The following BAZ2B variants were observed in gnomAD, a reference collection of about 807,000 sequenced individuals.
BAZ2B encodes the protein bromodomain adjacent to zinc finger domain protein 2B.
BAZ2B carries 91 observed loss-of-function variants against 246.0 expected under a neutral mutation model. The observed-to-expected ratio is 0.37, with a 90% confidence interval of 0.31 to 0.44. The LOEUF (loss-of-function observed/expected upper bound fraction) is 0.44. Among genes scored for constraint, BAZ2B ranks in the 20% least tolerant of loss-of-function variants. The pLI is 1.00. For synonymous variants in BAZ2B, 855 were observed against 860.0 expected, an observed-to-expected ratio of 0.99 and a Z score of 0.10; for missense variants, 2,332 against 2,533.7, an observed-to-expected ratio of 0.92 and a Z score of 1.71.
At chr2:159,385,471 ACAAGAGC>A in intron 22 of BAZ2B, 102 bp from the exon 23 acceptor site, 2 of 996,694 alleles carry the variant, frequency 2.0e-6, no homozygotes, top group Non-Finnish European at 2.9e-6. Context: ...GATACTACTG[ACAAGAGC>A]TTTATTCACT....
intron 2 of BAZ2B, among the ~76,000 whole-genome samples, chr2:159,487,002 A>G (rs1212171234): frequency 2.0e-5 from 3 of 152,146 alleles, no homozygotes; most frequent in Non-Finnish European, 4.4e-5. Flanking sequence ...CTAGAAAAAC[A>G]TGTAAGAAAT....
chr2:159,407,206 T>C (rs747557448), intron 14 of BAZ2B, among the ~76,000 whole-genome samples: 1 of 151,450 alleles, frequency 6.6e-6, no homozygotes, highest in Non-Finnish European at 1.5e-5. Context: ...GCACAGTGGC[T>C]CATGCCTGTA....
chr2:159,529,946 A>G (rs2085199820), intron 2 of BAZ2B, among the ~76,000 whole-genome samples: 1 of 152,186 alleles, frequency 6.6e-6, no homozygotes, highest in Non-Finnish European at 1.5e-5. Flanking sequence ...TCATGTCCAC[A>G]TTCAATATGA....
At chr2:159,356,621 C>T (rs910879602) in intron 27 of BAZ2B, among the ~76,000 whole-genome samples, 1 of 152,212 alleles carries the variant, frequency 6.6e-6, no homozygotes, top group Non-Finnish European at 1.5e-5. Context: ...AGTAGTCAAG[C>T]TCTGCTAAGG....
chr2:159,368,879 A>C (rs2060513901), intron 27 of BAZ2B, among the ~76,000 whole-genome samples: 1 of 128,770 alleles, frequency 7.8e-6, no homozygotes, highest in Admixed American at 7.8e-5. Context: ...AAAAAAAAAA[A>C]AAAACTGTCT....
intron 1 of BAZ2B, among the ~76,000 whole-genome samples, chr2:159,605,848 G>A (rs1032030133): frequency 4.6e-5 from 7 of 152,102 alleles, no homozygotes; most frequent in African/African-American, 1.2e-4. Context: ...ACATTTTCAC[G>A]TTCTTTAAAA....
chr2:159,403,144 A>G (rs1382425327), intron 16 of BAZ2B, among the ~76,000 whole-genome samples: 2 of 151,890 alleles, frequency 1.3e-5, no homozygotes, highest in Non-Finnish European at 2.9e-5. Flanking sequence ...CAAAGGATGA[A>G]AACACATGTA....
At chr2:159,435,402 CT>C (rs1433335603) in intron 8 of BAZ2B, 1 of 152,014 alleles carries the variant, frequency 6.6e-6, no homozygotes, top group Non-Finnish European at 1.5e-5. Context: ...TGTTGCCAGG[CT>C]GGAGTGCAGT....
At chr2:159,654,530 G>A in the BAZ2B span, among the ~76,000 whole-genome samples, 2 of 152,086 alleles carry the variant, frequency 1.3e-5, no homozygotes, top group African/African-American at 4.8e-5. Flanking sequence ...GCCTTCTAAG[G>A]TAGCACTAAG....
At chr2:159,470,114 T>C (rs775283689) in intron 3 of BAZ2B, among the ~76,000 whole-genome samples, 4 of 152,214 alleles carry the variant, frequency 2.6e-5, no homozygotes, top group Non-Finnish European at 5.9e-5. Context: ...GGATTAATCC[T>C]TGAAATGCAA....
chr2:159,425,490 C>T (rs1030339850), intron 13 of BAZ2B, among the ~76,000 whole-genome samples: 1 of 152,108 alleles, frequency 6.6e-6, no homozygotes, highest in Admixed American at 6.6e-5. Context: ...CTGTTTTTCA[C>T]ATTATATACA....
Position 159,324,871 on chromosome 2 carries a change from T to C in BAZ2B, c.6293A>G (p.Lys2098Arg). The C allele has an allele frequency of 2.6e-6, 4 of 1,554,806 alleles. No individual in the cohort carries two copies. Among genetic ancestry groups the C allele is most frequent in the Non-Finnish European group, 3.5e-6 (4 of 1,158,072 alleles). The stretch of plus-strand genomic sequence containing the variant: ...ATCCATAGGCTTCTTAATAACTTTC[T>C]TATAACCAGGAACAAGTTTCAAGTT... The part of the protein sequence containing the change: ...PVNLKLVPGY[K>R]KVIKKPMDFS... The change falls in exon 36 of 37, where the codon AAG becomes AGG. Residue 2098 changes from lysine (K) to arginine (R), a missense_variant. Coordinates refer to ENST00000392783, the MANE Select transcript of BAZ2B (RefSeq NM_013450.4).
chr2:159,614,874 AT>A (rs1166919452), intron 1 of BAZ2B, among the ~76,000 whole-genome samples: 3 of 152,342 alleles, frequency 2.0e-5, no homozygotes, highest in African/African-American at 7.2e-5. Context: ...TAAAGTTTAC[AT>A]GACGTCACTG....
chr2:159,519,330 C>T (rs1424029892), intron 2 of BAZ2B, among the ~76,000 whole-genome samples: 1 of 142,600 alleles, frequency 7.0e-6, no homozygotes, highest in South Asian at 2.2e-4. Flanking sequence ...CCCGGGTTCA[C>T]GCCATTCTCC....
At chr2:159,453,044 G>C (rs2075293737) in intron 4 of BAZ2B, among the ~76,000 whole-genome samples, 1 of 152,176 alleles carries the variant, frequency 6.6e-6, no homozygotes, top group Non-Finnish European at 1.5e-5. Flanking sequence ...AGGTTGCAGT[G>C]AGCTGAGACT....
the BAZ2B span, among the ~76,000 whole-genome samples, chr2:159,644,115 G>A: frequency 2.0e-5 from 3 of 152,118 alleles, no homozygotes; most frequent in Non-Finnish European, 2.9e-5. Context: ...GATTAAATAA[G>A]TATCATCTAA....
At chr2:159,383,579 C>G (rs1322971364) in intron 24 of BAZ2B, 27 bp downstream of exon 24, 3 of 1,569,632 alleles carry the variant, frequency 1.9e-6, no homozygotes, top group Non-Finnish European at 2.6e-6. Context: ...GAAAACAGTA[C>G]ATTAACTTTA....
the BAZ2B span, chr2:159,689,898 T>A: frequency 1.3e-5 from 5 of 395,696 alleles, no homozygotes; most frequent in Non-Finnish European, 2.3e-5. Context: ...TGTATTTTAG[T>A]AAAGTCAACA....
chr2:159,382,016 T>C, intron 25 of BAZ2B, among the ~76,000 whole-genome samples: 1 of 152,206 alleles, frequency 6.6e-6, no homozygotes. Flanking sequence ...GCCTAGCACA[T>C]TGTCAATACC....
Sources: gnomAD v4.1 joint callset for allele counts (sites outside exome capture counted in the v4.1 genomes callset) on GRCh38, gnomAD v4.1.1 for gene constraint, MANE v1.5 for transcripts, NCBI Gene and HGNC (gene_info 2026-07-23, HGNC 2026-07-21) for gene names.